The following MACROD2 variants were observed in gnomAD, a reference collection of about 807,000 sequenced individuals.
The protein encoded by MACROD2 is mono-ADP ribosylhydrolase 2.
Under a neutral mutation model 70.4 loss-of-function variants are expected in MACROD2, and 36 were observed. That is an observed-to-expected ratio of 0.51 (90% CI 0.39 to 0.68). The LOEUF (loss-of-function observed/expected upper bound fraction) is 0.68, where lower values mean the gene tolerates loss of function less well. MACROD2 is among the 30% of genes least tolerant of loss of function. The pLI is 0.00. For synonymous variants in MACROD2, 172 were observed against 178.8 expected (o/e 0.96, Z 0.30); for missense variants, 496 against 538.4 (o/e 0.92, Z 0.78).
chr20:14,265,340 A>G (rs905665304), intron 3 of MACROD2, among the ~76,000 whole-genome samples: 1 of 152,160 alleles, frequency 6.6e-6, no homozygotes. Flanking sequence ...GGTATTCAGT[A>G]AAATGTTTCT....
At chr20:15,797,101 TTTTG>T (rs754664130) in intron 8 of MACROD2, among the ~76,000 whole-genome samples, 15 of 152,100 alleles carry the variant, frequency 9.9e-5, no homozygotes, top group Middle Eastern at 3.4e-3. Flanking sequence ...AGGGTTCTTT[TTTTG>T]TTTGTTTGTT....
chr20:14,467,438 C>G (rs749339345), intron 3 of MACROD2, among the ~76,000 whole-genome samples: 1 of 152,108 alleles, frequency 6.6e-6, no homozygotes, highest in African/African-American at 2.4e-5. Context: ...ATCTGTCACC[C>G]CTTTCTTTGA....
At chr20:14,349,191 CTTTTTT>C (rs5840611) in intron 3 of MACROD2, among the ~76,000 whole-genome samples, 2 of 136,782 alleles carry the variant, frequency 1.5e-5, no homozygotes, top group Admixed American at 7.3e-5. Flanking sequence ...TATATACAAA[CTTTTTT>C]TTTTTTTTTT....
intron 4 of MACROD2, among the ~76,000 whole-genome samples, chr20:14,515,465 G>GCACACACACACACA (rs11467236): frequency 5.8e-4 from 74 of 127,164 alleles, no homozygotes; most frequent in African/African-American, 2.1e-3. Context: ...ACACACACAC[G>GCACACACACACACA]CACACACACA....
At chr20:14,997,934 G>A (rs2122888560) in intron 5 of MACROD2, among the ~76,000 whole-genome samples, 1 of 152,280 alleles carries the variant, frequency 6.6e-6, no homozygotes, top group African/African-American at 2.4e-5. Flanking sequence ...GAGAGTAAGG[G>A]GAGAGAACAA....
chr20:15,139,308 C>A (rs1403014766), intron 5 of MACROD2, among the ~76,000 whole-genome samples: 2 of 152,074 alleles, frequency 1.3e-5, no homozygotes, highest in African/African-American at 4.8e-5. Context: ...AACTGTTTTG[C>A]ACCAGCATTG....
intron 8 of MACROD2, among the ~76,000 whole-genome samples, chr20:15,526,486 G>A (rs1448856338): frequency 1.3e-5 from 2 of 152,132 alleles, no homozygotes; most frequent in Admixed American, 1.3e-4. Flanking sequence ...AGAGTGGAAG[G>A]GAAGTCATTA....
At chr20:14,942,598 A>G (rs1203678475) in intron 5 of MACROD2, among the ~76,000 whole-genome samples, 1 of 152,212 alleles carries the variant, frequency 6.6e-6, no homozygotes, top group Non-Finnish European at 1.5e-5. Context: ...AGTGGCTGCA[A>G]AGCCATTGTG....
At chr20:14,040,034 T>C (rs1239268643) in intron 2 of MACROD2, among the ~76,000 whole-genome samples, 1 of 152,114 alleles carries the variant, frequency 6.6e-6, no homozygotes, top group Non-Finnish European at 1.5e-5. Context: ...AAGGTAGGCC[T>C]TTAGGAGAGT....
rs11468964 is a variant in MACROD2, at chr20:15,993,233, A to AGTGT, written c.1153+6108_1153+6111dup. ...AACTGGTTCAAAGGAGAATTTGAAG[A>AGTGT]GTGTGTGTGTGTGTGTGTGTGTGTG... On this transcript the variant is annotated intron_variant, in intron 15 of 17. Coordinates refer to ENST00000684519, the MANE Select transcript of MACROD2 (RefSeq NM_001351661.2). Among the ~76,000 whole-genome samples, 936 of 144,070 alleles carry AGTGT rather than the reference A, an allele frequency of 6.5e-3. 13 individuals are homozygous for AGTGT. Among genetic ancestry groups the AGTGT allele is most frequent in the African/African-American group, 0.018 (725 of 39,520 alleles). 94.5% of individuals were successfully genotyped at this position (144,070 alleles called of 152,430 possible).
chr20:15,264,932 G>C (rs145250558), intron 6 of MACROD2, among the ~76,000 whole-genome samples: 1,710 of 152,224 alleles, frequency 0.011, 16 homozygotes, highest in Non-Finnish European at 0.019. Context: ...CCTTAGATCT[G>C]AGGCTGCTTC....
chr20:15,955,922 A>G (rs1186778459), intron 12 of MACROD2, among the ~76,000 whole-genome samples: 2 of 152,186 alleles, frequency 1.3e-5, no homozygotes, highest in Non-Finnish European at 2.9e-5. Flanking sequence ...TATGTAACAA[A>G]CCTGCACATC....
chr20:15,799,208 T>C (rs57208928), intron 8 of MACROD2, among the ~76,000 whole-genome samples: 4,156 of 152,320 alleles, frequency 0.027, 114 homozygotes, highest in East Asian at 0.086. Context: ...TAATTGTACA[T>C]ATTTATAGGG....
chr20:15,761,515 G>T (rs185796610), intron 8 of MACROD2, among the ~76,000 whole-genome samples: 11 of 152,284 alleles, frequency 7.2e-5, no homozygotes, highest in Non-Finnish European at 1.6e-4. Context: ...GATCAATTGA[G>T]GGGGAGAAAA....
At chr20:16,016,540 G>T (rs901043984) in intron 15 of MACROD2, among the ~76,000 whole-genome samples, 6 of 152,076 alleles carry the variant, frequency 3.9e-5, no homozygotes, top group Admixed American at 3.9e-4. Context: ...TCAAAAATGA[G>T]GGGTTTTTTT....
rs1335569490 is a variant in MACROD2, at chr20:14,992,623, A to G, written c.419-237317A>G. Among the ~76,000 whole-genome samples, 4 of 151,484 alleles carry G rather than the reference A, an allele frequency of 2.6e-5. No individual in the cohort carries two copies. In the East Asian group the frequency reaches 7.7e-4, roughly 29 times the overall value. ...CAAATTATTTTCTCCCATTATTTCC[A>G]GAGATTAGATGTTATGGAAAAGACT... On this transcript the variant is annotated intron_variant, in intron 5 of 17. Coordinates refer to ENST00000684519, the MANE Select transcript of MACROD2 (RefSeq NM_001351661.2).
At chr20:14,014,683 T>C (rs2052962308) in intron 2 of MACROD2, among the ~76,000 whole-genome samples, 1 of 152,242 alleles carries the variant, frequency 6.6e-6, no homozygotes, top group Non-Finnish European at 1.5e-5. Flanking sequence ...TCTTCTTTCA[T>C]AGCTTTTCTG....
intron 15 of MACROD2, among the ~76,000 whole-genome samples, chr20:16,027,274 A>C (rs11087159): frequency 0.01 from 3 of 288 alleles, no homozygotes; most frequent in African/African-American, 7.2e-3. Flanking sequence ...GTAAACCAGC[A>C]AGATTATTTC....
chr20:15,588,975 A>G (rs955871477), intron 8 of MACROD2, among the ~76,000 whole-genome samples: 1 of 152,076 alleles, frequency 6.6e-6, no homozygotes, highest in Non-Finnish European at 1.5e-5. Flanking sequence ...ACTAGTTCCA[A>G]TTTACTGTAT....
Sources: gnomAD v4.1 joint callset for allele counts (sites outside exome capture counted in the v4.1 genomes callset) on GRCh38, gnomAD v4.1.1 for gene constraint, MANE v1.5 for transcripts, NCBI Gene and HGNC (gene_info 2026-07-23, HGNC 2026-07-21) for gene names.